The following CPT2 variants were observed in gnomAD, a reference collection of about 807,000 sequenced individuals.
CPT2 encodes carnitine palmitoyltransferase 2, also known as carnitine O-palmitoyltransferase 2, mitochondrial.
Under a neutral mutation model 48.6 loss-of-function variants are expected in CPT2, and 37 were observed. The observed-to-expected ratio is 0.76, with a 90% CI of 0.59 to 1.00. The LOEUF (loss-of-function observed/expected upper bound fraction) is 1.00, where lower values mean the gene tolerates loss of function less well. CPT2 is among the 50% of genes least tolerant of loss of function. The pLI, the probability that CPT2 is intolerant of heterozygous loss-of-function variation, is 0.00. For synonymous variants in CPT2, 319 were observed against 326.9 expected (o/e 0.98, Z 0.26); for missense variants, 772 against 825.6 (o/e 0.94, Z 0.80).
intron 3 of CPT2, among the ~76,000 whole-genome samples, chr1:53,205,621 T>C (rs1020375726): frequency 6.6e-6 from 1 of 152,312 alleles, no homozygotes; most frequent in Non-Finnish European, 1.5e-5. Flanking sequence ...GGGGAGAATG[T>C]CTTGAGGGCA....
Position 53,213,289 on chromosome 1 carries a change from T to C in CPT2, c.1671T>C (p.Phe557=). 1.9e-6 allele frequency: 3 copies of C among 1,614,236 alleles called. No individual in the cohort carries two copies. Among genetic ancestry groups the C allele is most frequent in the African/African-American group, 2.7e-5 (2 of 75,064 alleles). Residue 557 remains phenylalanine, a synonymous_variant, in exon 5 of 5, where the codon TTT becomes TTC. Coordinates refer to ENST00000371486, the MANE Select transcript of CPT2 (RefSeq NM_000098.3). ...AMGQGFDRHL[F]ALRHLAAAKG... is the part of the protein sequence containing the mutation. ...GCCAGGGCTTTGACCGACACTTGTT[T>C]GCTCTGCGGCATCTGGCAGCAGCCA...
intron 1 of CPT2, among the ~76,000 whole-genome samples, chr1:53,197,808 C>T (rs777991086): frequency 1.3e-5 from 2 of 152,138 alleles, no homozygotes; most frequent in African/African-American, 2.4e-5. Context: ...ACCCACAGTA[C>T]CCCTTGTAAG....
In CPT2 at chr1:53,210,431, A is replaced by G. The variant is rs914465235; in HGVS notation, c.757A>G (p.Ile253Val). 2 of 1,614,034 alleles carry G rather than the reference A, an allele frequency of 1.2e-6. No homozygotes were observed. Among genetic ancestry groups the G allele is most frequent in the Admixed American group, 1.7e-5 (1 of 60,004 alleles). ...LLVLRKGNFYIFDVLDQDGNI... is the reference protein window; with the variant it reads ...LLVLRKGNFYVFDVLDQDGNI... Reference sequence around the variant, plus strand: ...GGTCCTAAGGAAAGGAAATTTTTATATCTTTGATGTCCTGGATCAAGATGG... The same window carrying G: ...GGTCCTAAGGAAAGGAAATTTTTATGTCTTTGATGTCCTGGATCAAGATGG... Residue 253 changes from isoleucine (I) to valine (V), a missense_variant, in exon 4 of 5, where the codon ATC becomes GTC. Ile to Val is a conservative substitution (Grantham distance 29). Coordinates refer to ENST00000371486, the MANE Select transcript of CPT2 (RefSeq NM_000098.3).
intron 4 of CPT2, 32 bp from the exon 5 acceptor site, chr1:53,213,232 G>C: frequency 1.9e-6 from 3 of 1,611,996 alleles, no homozygotes; most frequent in Non-Finnish European, 2.5e-6. Context: ...TTTCCATCCT[G>C]AGACTCTGGT....
rs201508063 is a variant in CPT2 at position 53,211,112 on chromosome 1, G to A, written c.1438G>A (p.Gly480Arg). ...AFQMAFLRQYGQTVATYESCS... is the reference protein window; with the variant it reads ...AFQMAFLRQYRQTVATYESCS... ...CCAGATGGCCTTCCTGCGGCAGTACGGGCAGACAGTGGCCACCTACGAGTC... is the reference window on the plus strand; with the variant it reads ...CCAGATGGCCTTCCTGCGGCAGTACAGGCAGACAGTGGCCACCTACGAGTC... Residue 480 changes from glycine (G) to arginine (R), a missense_variant, in exon 4 of 5, where the codon GGG (glycine) becomes AGG (arginine). Coordinates refer to ENST00000371486, the MANE Select transcript of CPT2 (RefSeq NM_000098.3). 6.3e-4 allele frequency: 1,011 copies of A among 1,614,056 alleles called. 1 individual carries two copies. Among genetic ancestry groups the A allele is most frequent in the Non-Finnish European group, 8.3e-4 (981 of 1,179,982 alleles).
intron 3 of CPT2, chr1:53,203,903 A>G (rs1019074529): frequency 6.6e-6 from 1 of 151,978 alleles, no homozygotes. Flanking sequence ...TGGGTTTGAA[A>G]TTATTTTCCC....
intron 2 of CPT2, 32 bp downstream of exon 2, chr1:53,200,831 TG>T: frequency 5.1e-6 from 8 of 1,563,864 alleles, no homozygotes; most frequent in Non-Finnish European, 7.1e-6. Flanking sequence ...TGAGCATAGT[TG>T]GGGTGGTTCA....
At chr1:53,205,465 G>C (rs1286244013) in intron 3 of CPT2, among the ~76,000 whole-genome samples, 2 of 152,200 alleles carry the variant, frequency 1.3e-5, no homozygotes, top group Non-Finnish European at 2.9e-5. Context: ...ATGTTTAAAA[G>C]GGAAGCAGAG....
In CPT2 at chr1:53,205,022, G is replaced by C. The variant is rs116566752; in HGVS notation, c.340+2593G>C. On this transcript the variant is annotated intron_variant, in intron 3 of 4. Transcript: ENST00000371486. ...AATATAGAAAACTGGTACCAGGAGG[G>C]GGGCATTGCTACAAAGATACCTGAA... 7.2e-5 allele frequency among the ~76,000 whole-genome samples: 11 copies of C among 152,290 alleles called. No homozygotes were observed. In the South Asian group the frequency reaches 2.1e-3, roughly 29 times the overall value.
At chr1:53,207,746 C>T (rs1421323286) in intron 3 of CPT2, 1 of 152,226 alleles carries the variant, frequency 6.6e-6, no homozygotes, top group Non-Finnish European at 1.5e-5. Flanking sequence ...CCAGCATAAG[C>T]CACTGCACCC....
intron 1 of CPT2, among the ~76,000 whole-genome samples, chr1:53,197,870 A>G (rs772245568): frequency 6.6e-6 from 1 of 150,726 alleles, no homozygotes; most frequent in Non-Finnish European, 1.5e-5. Flanking sequence ...CCCCATCCAC[A>G]CTCCATCATA....
chr1:53,210,731 G>C lies in CPT2; in HGVS notation c.1057G>C (p.Asp353His). The C allele has an allele frequency of 6.2e-7, 1 of 1,614,206 alleles. No homozygotes were observed. Among genetic ancestry groups the C allele is most frequent in the South Asian group, 1.1e-5 (1 of 91,084 alleles). Residue 353 changes from aspartate to histidine, a missense_variant, in exon 4 of 5, where the codon GAT (aspartate) becomes CAT (histidine). Physicochemically the swap from Asp to His is moderately conservative, Grantham distance 81. Coordinates refer to ENST00000371486, the MANE Select transcript of CPT2 (RefSeq NM_000098.3). ...LHGDGTNRWF[D>H]KSFNLIIAKD... The stretch of plus-strand genomic sequence containing the variant: ...TGGGGATGGCACAAACCGCTGGTTT[G>C]ATAAATCCTTTAACCTCATTATCGC...
chr1:53,209,710 A>C (rs1645409057), intron 3 of CPT2: 1 of 363,304 alleles, frequency 2.8e-6, no homozygotes, highest in Non-Finnish European at 5.2e-6. Flanking sequence ...CGGGAGGCGG[A>C]GGTTGCAGTG....
In CPT2 at chr1:53,202,732, C is replaced by G. The variant is rs188776978; in HGVS notation, c.340+303C>G. 88 of 401,870 alleles carry G rather than the reference C, an allele frequency of 2.2e-4. No homozygotes were observed. In the East Asian group the frequency reaches 3.8e-3, roughly 17 times the overall value. 24.9% of individuals were successfully genotyped at this position (401,870 alleles called of 1,614,324 possible). A position where few individuals can be genotyped will look rare whatever the true frequency, so the allele number is the denominator to read the frequency against. ...ATTAAGTCCTATGTCCTATATCATTCTGGGTCCTTCACTGTCAGACAGAAC... is the reference window on the plus strand; with the variant it reads ...ATTAAGTCCTATGTCCTATATCATTGTGGGTCCTTCACTGTCAGACAGAAC... On this transcript the variant is annotated intron_variant, in intron 3 of 4. Coordinates refer to ENST00000371486, the MANE Select transcript of CPT2 (RefSeq NM_000098.3).
rs533282672 is a variant in CPT2 at position 53,197,002 on chromosome 1, C to T, written c.59C>T (p.Ala20Val). ...CGGGGCCCCGCGGTTGGTCCGGGAG[C>T]CCCCAGTCGGCCCCTCAGCGCCGGC... is the stretch of plus-strand genomic sequence containing the variant. ...WPRGPAVGPG[A>V]PSRPLSAGSG... Residue 20 changes from alanine (A) to valine (V), a missense_variant, in exon 1 of 5, where the codon GCC (alanine) becomes GTC (valine). Coordinates refer to ENST00000371486, the MANE Select transcript of CPT2 (RefSeq NM_000098.3). 1.2e-5 allele frequency: 19 copies of T among 1,532,574 alleles called. No homozygotes were observed. Among genetic ancestry groups the T allele is most frequent in the Non-Finnish European group, 1.7e-5 (19 of 1,144,532 alleles). 94.9% of individuals were successfully genotyped at this position (1,532,574 alleles called of 1,614,324 possible). A position where few individuals can be genotyped will look rare whatever the true frequency, so the allele number is the denominator to read the frequency against.
chr1:53,211,296 A>G lies in CPT2; in HGVS notation c.1622A>G (p.Gln541Arg). ...MMVECSKYHGQLTKEAAMGQG... is the reference protein window; with the variant it reads ...MMVECSKYHGRLTKEAAMGQG... The stretch of plus-strand genomic sequence containing the variant: ...GTTGAGTGCTCCAAGTACCATGGCC[A>G]GCTGACCAAAGAAGCAGCAATGGGT... Residue 541 changes from glutamine (Q) to arginine (R), a missense_variant, in exon 4 of 5, where the codon CAG becomes CGG. Physicochemically the swap from Gln to Arg is conservative, Grantham distance 43 (BLOSUM62 1). Transcript: ENST00000371486. 1 of 1,608,456 alleles carries G rather than the reference A, an allele frequency of 6.2e-7. No individual in the cohort carries two copies. Among genetic ancestry groups the G allele is most frequent in the Non-Finnish European group, 8.5e-7 (1 of 1,177,414 alleles).
chr1:53,213,515 G>T lies in CPT2; in HGVS notation c.1897G>T (p.Ala633Ser), dbSNP rs141903761. 2.0e-5 allele frequency: 33 copies of T among 1,614,112 alleles called. No individual in the cohort carries two copies. The highest frequency in any genetic ancestry group is 2.8e-5 in the Non-Finnish European group (33 of 1,180,044). Residue 633 changes from alanine (A) to serine (S), a missense_variant, in exon 5 of 5, where the codon GCC becomes TCC. Physicochemically the swap from Ala to Ser is moderately conservative, Grantham distance 99. Transcript: ENST00000371486. ...TGTCTCTTCCTACCCAGGCCGCAAT[G>T]CCCGGGAGTTTCTCCAATGTGTGGA... is the stretch of plus-strand genomic sequence containing the variant. ...CNVSSYPGRN[A>S]REFLQCVEKA...
intron 4 of CPT2, chr1:53,212,650 C>T: frequency 2.5e-6 from 1 of 399,226 alleles, no homozygotes. Context: ...TCCGTCATTA[C>T]CTTTTTTTGA....
Position 53,211,238 on chromosome 1 carries a change from A to G in CPT2, c.1564A>G (p.Arg522Gly), listed in dbSNP as rs976228812. ...TGAGGCCTTTGTCAGGGAGCCCTCCAGGCACAGTGCTGGTGAGCTTCAGCA... is the reference window on the plus strand; with the variant it reads ...TGAGGCCTTTGTCAGGGAGCCCTCCGGGCACAGTGCTGGTGAGCTTCAGCA... ...CSEAFVREPS[R>G]HSAGELQQMM... Residue 522 changes from arginine to glycine, a missense_variant, in exon 4 of 5, where the codon AGG becomes GGG. Arg to Gly is a moderately radical substitution (Grantham distance 125). Transcript: ENST00000371486. The G allele has an allele frequency of 6.2e-7, 1 of 1,611,724 alleles. No individual in the cohort carries two copies. The highest frequency in any genetic ancestry group is 8.5e-7 in the Non-Finnish European group (1 of 1,178,786).
Sources: gnomAD v4.1 joint callset for allele counts (sites outside exome capture counted in the v4.1 genomes callset) on GRCh38, gnomAD v4.1.1 for gene constraint, MANE v1.5 for transcripts, NCBI Gene and HGNC (gene_info 2026-07-23, HGNC 2026-07-21) for gene names.